The following ZNF44 variants were observed in gnomAD, a reference collection of about 807,000 sequenced individuals.
ZNF44 encodes the protein gonadotropin inducible transcription repressor-2.
Under a neutral mutation model 11.7 loss-of-function variants are expected in ZNF44, and 9 were observed. The observed-to-expected ratio is 0.77, with a 90% CI of 0.46 to 1.35. The LOEUF is 1.35. Among genes scored for constraint, ZNF44 ranks in the 40% most tolerant of loss-of-function variants. The pLI, the probability that ZNF44 is intolerant of heterozygous loss-of-function variation, is 0.00. For missense variants in ZNF44, 696 were observed against 743.1 expected (o/e 0.94, Z 0.74); for synonymous variants, 224 against 242.7 (o/e 0.92, Z 0.72).
intron 5 of ZNF44, chr19:12,260,423 CA>C: frequency 6.9e-7 from 1 of 1,442,292 alleles, no homozygotes; most frequent in Non-Finnish European, 9.6e-7. Context: ...TCCTCAAGAA[CA>C]AGTACCGCCC....
At chr19:12,255,371 T>C (rs1917205592) in intron 5 of ZNF44, among the ~76,000 whole-genome samples, 1 of 151,408 alleles carries the variant, frequency 6.6e-6, no homozygotes, top group Non-Finnish European at 1.5e-5. Context: ...ATGAATAAAA[T>C]TGATTAAAAA....
At chr19:12,252,949 A>G (rs1204269666) in intron 5 of ZNF44, among the ~76,000 whole-genome samples, 5 of 131,064 alleles carry the variant, frequency 3.8e-5, no homozygotes, top group African/African-American at 1.5e-4. Flanking sequence ...ATGCACTGGC[A>G]CAATCTTGGC....
intron 1 of ZNF44, among the ~76,000 whole-genome samples, chr19:12,294,208 C>T (rs2145779432): frequency 6.6e-6 from 1 of 152,310 alleles, no homozygotes; most frequent in Admixed American, 6.5e-5. Flanking sequence ...ACCTCCAGTC[C>T]CAAGATTCAC....
chr19:12,266,505 G>C (rs1249283088), intron 5 of ZNF44, among the ~76,000 whole-genome samples: 1 of 152,124 alleles, frequency 6.6e-6, no homozygotes, highest in African/African-American at 2.4e-5. Context: ...GCACGGCCCC[G>C]CCCTCAGAAC....
At chr19:12,289,734 T>A (rs1024263456) in intron 1 of ZNF44, among the ~76,000 whole-genome samples, 1 of 143,714 alleles carries the variant, frequency 7.0e-6, no homozygotes, top group East Asian at 2.2e-4. Flanking sequence ...AAGCTCCGCC[T>A]CCCCAGTTCA....
chr19:12,247,513 GT>G (rs1272820423), downstream of ZNF44: 2 of 1,349,096 alleles, frequency 1.5e-6, no homozygotes, highest in Non-Finnish European at 2.0e-6. Flanking sequence ...TTACCACACT[GT>G]TTACATTCAT....
At chr19:12,242,771 G>A (rs1916665313), downstream of ZNF44, 2 of 151,330 alleles carry the variant, frequency 1.3e-5, no homozygotes, top group Admixed American at 6.6e-5. Flanking sequence ...AGGATCATTT[G>A]CTTGGGAGGC....
intron 1 of ZNF44, chr19:12,234,921 C>T (rs1916318228): frequency 6.6e-6 from 1 of 152,214 alleles, no homozygotes; most frequent in Admixed American, 6.5e-5. Flanking sequence ...AGGACATGGA[C>T]AAACAGAGGT....
chr19:12,238,426 A>G (rs1916479088), upstream of ZNF44, among the ~76,000 whole-genome samples: 1 of 152,084 alleles, frequency 6.6e-6, no homozygotes, highest in South Asian at 2.1e-4. Context: ...AGAGATCAAG[A>G]CTATCCTGGC....
chr19:12,248,474 C>T (rs1190046576), exon 8 of ZNF44: 1 of 1,290,992 alleles, frequency 7.7e-7, no homozygotes, highest in East Asian at 5.5e-5. Context: ...ATTCCTGACA[C>T]TTATACAGTT....
intron 1 of ZNF44, among the ~76,000 whole-genome samples, chr19:12,283,785 C>A (rs895980029): frequency 6.6e-6 from 1 of 152,198 alleles, no homozygotes; most frequent in Non-Finnish European, 1.5e-5. Context: ...GAGGCCAAGG[C>A]AAGAGGAACT....
intron 3 of ZNF44, among the ~76,000 whole-genome samples, chr19:12,274,522 C>T (rs1353402524): frequency 6.6e-6 from 1 of 151,862 alleles, no homozygotes; most frequent in African/African-American, 2.4e-5. Context: ...GATCCACCCA[C>T]CTCGGCCTCC....
chr19:12,256,072 C>T, intron 5 of ZNF44, among the ~76,000 whole-genome samples: 1 of 133,514 alleles, frequency 7.5e-6, no homozygotes, highest in African/African-American at 2.8e-5. Flanking sequence ...AAACAGCCTA[C>T]ATAGTAAAGG....
At chr19:12,263,320 A>C (rs1293812502) in intron 5 of ZNF44, among the ~76,000 whole-genome samples, 3 of 151,948 alleles carry the variant, frequency 2.0e-5, no homozygotes, top group African/African-American at 7.2e-5. Flanking sequence ...TCCCGACCTC[A>C]GGTGATCCGC....
chr19:12,236,295 C>A (rs1183296047), intron 1 of ZNF44, among the ~76,000 whole-genome samples: 2 of 152,086 alleles, frequency 1.3e-5, no homozygotes, highest in Non-Finnish European at 2.9e-5. Context: ...AAATCGGTAC[C>A]CCTGGGGAGT....
rs1340312664 is a variant in ZNF44 at position 12,260,023 on chromosome 19, C to T, written c.1913-9655G>A. 1.3e-5 allele frequency: 6 copies of T among 458,976 alleles called. No homozygotes were observed. The East Asian group carries it at 2.7e-4, about 21-fold the overall frequency. The allele number at this position is 458,976 out of a possible 1,614,324, so 28.4% of individuals were successfully genotyped here. On this transcript the variant is annotated intron_variant and NMD_transcript_variant, in intron 5 of 7. Transcript: ENST00000393337. ...AACCTCTGACAGTGTATACAGTCCC[C>T]CCTCCACTCCCACTCTTTACATTTG... is the stretch of plus-strand genomic sequence containing the variant.
downstream of ZNF44, among the ~76,000 whole-genome samples, chr19:12,267,167 C>T (rs1018228540): frequency 2.0e-5 from 3 of 151,704 alleles, no homozygotes; most frequent in South Asian, 6.2e-4. Flanking sequence ...GCCTCAGCCT[C>T]CTGAGTAGCT....
intron 5 of ZNF44, among the ~76,000 whole-genome samples, chr19:12,259,427 A>G (rs997511254): frequency 1.1e-4 from 16 of 152,192 alleles, no homozygotes; most frequent in Admixed American, 3.9e-4. Flanking sequence ...CAGAACCTAC[A>G]TTATAGAGGC....
At chr19:12,286,915 A>C (rs974967489) in intron 1 of ZNF44, among the ~76,000 whole-genome samples, 3 of 151,738 alleles carry the variant, frequency 2.0e-5, no homozygotes, top group Non-Finnish European at 4.4e-5. Context: ...ATAGAGTAAG[A>C]CTCTGTCTCA....
Sources: gnomAD v4.1 joint callset for allele counts (sites outside exome capture counted in the v4.1 genomes callset) on GRCh38, gnomAD v4.1.1 for gene constraint, MANE v1.5 for transcripts, NCBI Gene and HGNC (gene_info 2026-07-23, HGNC 2026-07-21) for gene names.